Variants in AOAH observed in about 807,000 individuals in gnomAD.
AOAH encodes acyloxyacyl hydrolase, also known as acyloxyacyl hydrolase (neutrophil).
AOAH carries 64 observed loss-of-function variants against 92.2 expected under a neutral mutation model. The ratio of observed to expected loss-of-function variants is 0.69; its 90% CI spans 0.57 to 0.86. AOAH has a LOEUF of 0.86. Among genes scored for constraint, AOAH ranks in the 40% least tolerant of loss-of-function variants. The pLI is 0.00. For missense variants in AOAH, 656 were observed against 694.6 expected, an observed-to-expected ratio of 0.94 and a Z score of 0.62; for synonymous variants, 263 against 254.5, an observed-to-expected ratio of 1.03 and a Z score of -0.32.
intron 15 of AOAH, among the ~76,000 whole-genome samples, chr7:36,544,249 G>C (rs1488259628): frequency 6.6e-6 from 1 of 152,008 alleles, no homozygotes; most frequent in Non-Finnish European, 1.5e-5. Flanking sequence ...CCGGCCCCCT[G>C]AAAATTTTTC....
Position 36,724,397 on chromosome 7 carries a change from A to G in AOAH, c.-249T>C, listed in dbSNP as rs1179598813. The G allele has an allele frequency of 2.6e-6, 1 of 379,000 alleles. No homozygotes were observed. The highest frequency in any genetic ancestry group is 2.1e-5 in the African/African-American group (1 of 48,106). 23.5% of individuals were successfully genotyped at this position (379,000 alleles called of 1,614,324 possible). A position where few individuals can be genotyped will look rare whatever the true frequency, so the allele number is the denominator to read the frequency against. On this transcript the variant is annotated 5_prime_UTR_variant, in exon 1 of 21. Transcript: ENST00000617537. ...GAGAGAGCCACACACAAAGAGCTGGAGGGAGTCTGTGGTGTGCGGTTCTGC... is the reference window on the plus strand; with the variant it reads ...GAGAGAGCCACACACAAAGAGCTGGGGGGAGTCTGTGGTGTGCGGTTCTGC...
At chr7:36,708,869 AGGT>A (rs898979015) in intron 1 of AOAH, among the ~76,000 whole-genome samples, 13 of 152,312 alleles carry the variant, frequency 8.5e-5, no homozygotes, top group Middle Eastern at 3.4e-3. Context: ...CAAGCTTGTA[AGGT>A]GTGGTAACCC....
intron 4 of AOAH, among the ~76,000 whole-genome samples, chr7:36,652,883 G>A (rs983948716): frequency 3.3e-5 from 5 of 152,142 alleles, no homozygotes; most frequent in Admixed American, 6.5e-5. Context: ...GCGTGTCCTC[G>A]ACTAGATCCT....
At chr7:36,556,153 T>A (rs1010628397) in intron 13 of AOAH, among the ~76,000 whole-genome samples, 9 of 152,004 alleles carry the variant, frequency 5.9e-5, no homozygotes, top group Non-Finnish European at 1.2e-4. Context: ...ACACTGCTTT[T>A]AATGTGTCCC....
At chr7:36,526,005 G>A (rs928753213) in intron 19 of AOAH, among the ~76,000 whole-genome samples, 3 of 152,110 alleles carry the variant, frequency 2.0e-5, no homozygotes, top group Non-Finnish European at 4.4e-5. Flanking sequence ...AGGGTTGGGG[G>A]CAGTGGGAGA....
chr7:36,517,214 C>CTTTCTCTCTT (rs59205788), intron 20 of AOAH, among the ~76,000 whole-genome samples: 1 of 104,830 alleles, frequency 9.5e-6, no homozygotes, highest in Non-Finnish European at 1.9e-5. Flanking sequence ...TTCTTTCTTT[C>CTTTCTCTCTT]TCTTTCTTTC....
At chr7:36,524,362 C>G (rs1029338861) in intron 19 of AOAH, among the ~76,000 whole-genome samples, 1 of 151,828 alleles carries the variant, frequency 6.6e-6, no homozygotes, top group Non-Finnish European at 1.5e-5. Flanking sequence ...TGAATTCACA[C>G]CCAGCCAGGT....
chr7:36,702,611 G>A (rs1476616196), intron 1 of AOAH, among the ~76,000 whole-genome samples: 1 of 152,142 alleles, frequency 6.6e-6, no homozygotes, highest in Non-Finnish European at 1.5e-5. Context: ...TTTTAAATGT[G>A]CACTGGCATT....
At chr7:36,667,495 A>G (rs1236996606) in intron 3 of AOAH, among the ~76,000 whole-genome samples, 4 of 152,208 alleles carry the variant, frequency 2.6e-5, no homozygotes, top group African/African-American at 9.6e-5. Flanking sequence ...GGTGTATAGG[A>G]AAAAACATAG....
chr7:36,639,458 T>G (rs1166244936), intron 4 of AOAH, among the ~76,000 whole-genome samples: 1 of 152,090 alleles, frequency 6.6e-6, no homozygotes, highest in Non-Finnish European at 1.5e-5. Context: ...CCTCGCACAG[T>G]CCTTGAGGCA....
intron 12 of AOAH, among the ~76,000 whole-genome samples, chr7:36,581,347 C>T (rs1788919659): frequency 1.3e-5 from 2 of 152,196 alleles, no homozygotes; most frequent in African/African-American, 4.8e-5. Flanking sequence ...TCTCTTCGTC[C>T]TCTTGGACAA....
intron 1 of AOAH, among the ~76,000 whole-genome samples, chr7:36,702,120 TACA>T (rs903438328): frequency 9.2e-5 from 14 of 152,092 alleles, no homozygotes; most frequent in African/African-American, 3.4e-4. Context: ...GTGTTATAAA[TACA>T]ACAATACAGT....
chr7:36,517,214 C>CTTTCTTTCTTTCTTTCTTCTCTT (rs59205788), intron 20 of AOAH, among the ~76,000 whole-genome samples: 1 of 104,830 alleles, frequency 9.5e-6, no homozygotes, highest in Admixed American at 1.0e-4. Context: ...TTCTTTCTTT[C>CTTTCTTTCTTTCTTTCTTCTCTT]TCTTTCTTTC....
At chr7:36,515,991 G>A (rs1233942463) in intron 20 of AOAH, among the ~76,000 whole-genome samples, 13 of 100,682 alleles carry the variant, frequency 1.3e-4, no homozygotes, top group African/African-American at 5.0e-4. Context: ...CACACATCAC[G>A]CATACATACA....
chr7:36,538,854 T>G (rs1269037969), intron 16 of AOAH, among the ~76,000 whole-genome samples: 1 of 152,192 alleles, frequency 6.6e-6, no homozygotes, highest in Non-Finnish European at 1.5e-5. Context: ...TTTGCTTGGA[T>G]GATAATATTT....
intron 20 of AOAH, among the ~76,000 whole-genome samples, chr7:36,519,358 T>A (rs1465879626): frequency 1.3e-5 from 2 of 152,268 alleles, no homozygotes; most frequent in Admixed American, 1.3e-4. Flanking sequence ...CTCAGAATAC[T>A]TCCTGAAACC....
chr7:36,573,291 G>A (rs1398555445), intron 13 of AOAH, among the ~76,000 whole-genome samples: 2 of 152,170 alleles, frequency 1.3e-5, no homozygotes, highest in Non-Finnish European at 2.9e-5. Flanking sequence ...TGGTATCGAG[G>A]AAGTTCTGAG....
At chr7:36,523,068 T>C (rs959542949) in intron 19 of AOAH, among the ~76,000 whole-genome samples, 1 of 152,228 alleles carries the variant, frequency 6.6e-6, no homozygotes, top group South Asian at 2.1e-4. Flanking sequence ...TATCCCAGCA[T>C]GGCATCCCCA....
At chr7:36,529,031 T>C (rs1312927464) in intron 19 of AOAH, among the ~76,000 whole-genome samples, 2 of 152,144 alleles carry the variant, frequency 1.3e-5, no homozygotes, top group Non-Finnish European at 2.9e-5. Flanking sequence ...AGCAAGGGTG[T>C]AAGGAAATGG....
Sources: gnomAD v4.1 joint callset for allele counts (sites outside exome capture counted in the v4.1 genomes callset) on GRCh38, gnomAD v4.1.1 for gene constraint, MANE v1.5 for transcripts, NCBI Gene and HGNC (gene_info 2026-07-23, HGNC 2026-07-21) for gene names.